Variants in ATP9B observed in about 807,000 individuals in gnomAD.
ATP9B encodes the protein ATPase phospholipid transporting 9B.
In ATP9B, 110 loss-of-function variants were observed where a neutral mutation model predicts 146.1. That is an observed-to-expected ratio of 0.75 (90% CI 0.65 to 0.88). The LOEUF (loss-of-function observed/expected upper bound fraction) is 0.88. Among genes scored for constraint, ATP9B ranks in the 40% least tolerant of loss-of-function variants. ATP9B has a pLI of 0.00. For synonymous variants in ATP9B, 604 were observed against 569.7 expected, an observed-to-expected ratio of 1.06 and a Z score of -0.86; for missense variants, 1,499 against 1,496.4, an observed-to-expected ratio of 1.00 and a Z score of -0.03.
intron 20 of ATP9B, chr18:79,343,718 C>T (rs1336574805): frequency 6.4e-6 from 1 of 156,250 alleles, no homozygotes; most frequent in Non-Finnish European, 1.4e-5. Context: ...GCTCGGCCTC[C>T]CTGGGCTCTG....
chr18:79,376,787 C>T (rs925035738), intron 29 of ATP9B, among the ~76,000 whole-genome samples: 5 of 151,474 alleles, frequency 3.3e-5, no homozygotes, highest in African/African-American at 1.2e-4. Flanking sequence ...CTCCACCTCC[C>T]GGGTTCAAGC....
intron 10 of ATP9B, among the ~76,000 whole-genome samples, chr18:79,210,471 G>A (rs567327479): frequency 3.5e-4 from 53 of 152,324 alleles, no homozygotes; most frequent in Admixed American, 1.3e-3. Context: ...CTAGACCTGG[G>A]TGTGGGTCAC....
At chr18:79,256,282 T>TACAC (rs1315400505) in intron 12 of ATP9B, among the ~76,000 whole-genome samples, 1 of 129,276 alleles carries the variant, frequency 7.7e-6, no homozygotes, top group African/African-American at 2.8e-5. Flanking sequence ...TATATATATA[T>TACAC]ATATACATAC....
rs183765618 is a variant in ATP9B, at chr18:79,133,981, G to A, written c.667+7606G>A. ...TGATACTGCTCCATCTTTCCTTTGC[G>A]GTAGCACTCTCCTTTCAAAGTAAAA... is the stretch of plus-strand genomic sequence containing the variant. On this transcript the variant is annotated intron_variant, in intron 5 of 29. Coordinates refer to ENST00000426216, the MANE Select transcript of ATP9B (RefSeq NM_198531.5). 8.9e-4 allele frequency among the ~76,000 whole-genome samples: 135 copies of A among 152,266 alleles called. 1 individual carries two copies. In the South Asian group the frequency reaches 0.011, roughly 12 times the overall value.
intron 5 of ATP9B, among the ~76,000 whole-genome samples, chr18:79,139,437 C>T (rs2094487658): frequency 6.6e-6 from 1 of 152,222 alleles, no homozygotes; most frequent in African/African-American, 2.4e-5. Context: ...TGCGGTGGCA[C>T]GTCAGCTACT....
chr18:79,295,068 G>A (rs1599714762), intron 13 of ATP9B, among the ~76,000 whole-genome samples: 1 of 150,876 alleles, frequency 6.6e-6, no homozygotes, highest in Non-Finnish European at 1.5e-5. Context: ...ATAGGTACGT[G>A]TGCGTGCATC....
At chr18:79,174,741 G>A (rs1200519623) in intron 7 of ATP9B, among the ~76,000 whole-genome samples, 1 of 152,118 alleles carries the variant, frequency 6.6e-6, no homozygotes, top group African/African-American at 2.4e-5. Flanking sequence ...CTAAAGGGTT[G>A]ATCATACTCA....
chr18:79,177,044 G>T (rs369766287), intron 8 of ATP9B, 137 bp downstream of exon 8: 4 of 695,852 alleles, frequency 5.7e-6, no homozygotes, highest in African/African-American at 1.8e-5. Flanking sequence ...CCTCATGAAG[G>T]TTCATTGAAG....
intron 1 of ATP9B, among the ~76,000 whole-genome samples, chr18:79,072,785 C>T (rs1371125114): frequency 6.6e-6 from 1 of 152,100 alleles, no homozygotes; most frequent in Non-Finnish European, 1.5e-5. Context: ...AGATGCTTCT[C>T]ACCTCCCAGA....
rs148687068 is a variant in ATP9B, at chr18:79,251,584, C to T, written c.1108-1797C>T. On this transcript the variant is annotated intron_variant, in intron 11 of 29. Coordinates refer to ENST00000426216, the MANE Select transcript of ATP9B (RefSeq NM_198531.5). ...TTTGTTTAATTAGTTGACTTTTCTTCGCAGCTGCACTTAATGGACTTTCTG... is the reference window on the plus strand; with the variant it reads ...TTTGTTTAATTAGTTGACTTTTCTTTGCAGCTGCACTTAATGGACTTTCTG... 3.4e-3 allele frequency among the ~76,000 whole-genome samples: 511 copies of T among 152,256 alleles called. 2 individuals carry two copies. The highest frequency in any genetic ancestry group is 0.014 in the Middle Eastern group (4 of 294).
At position 79,133,675 on chromosome 18, in the gene ATP9B, T is replaced by C. The variant is rs78012774; in HGVS notation, c.667+7300T>C. ...TCTCAGGTCACCCTTAGAGGATCTG[T>C]GTGAATTCATTTCTTCATGATATAT... On this transcript the variant is annotated intron_variant, in intron 5 of 29. Transcript: ENST00000426216. Among the ~76,000 whole-genome samples, 1,137 of 152,358 alleles carry C rather than the reference T, an allele frequency of 7.5e-3. 28 individuals carry two copies. The highest frequency in any genetic ancestry group is 0.063 in the East Asian group (327 of 5,180).
chr18:79,376,695 C>G (rs1380070107), intron 29 of ATP9B, among the ~76,000 whole-genome samples: 2 of 142,542 alleles, frequency 1.4e-5, no homozygotes, highest in African/African-American at 5.0e-5. Context: ...CGGCCTACAA[C>G]CTTTTTTTTT....
intron 11 of ATP9B, among the ~76,000 whole-genome samples, chr18:79,215,245 C>T (rs2095616866): frequency 6.6e-6 from 1 of 150,770 alleles, no homozygotes; most frequent in Non-Finnish European, 1.5e-5. Flanking sequence ...AAATTAGTAA[C>T]ATATCACCAA....
chr18:79,175,214 G>GA (rs1199426278), intron 7 of ATP9B, among the ~76,000 whole-genome samples: 66 of 132,226 alleles, frequency 5.0e-4, no homozygotes, highest in East Asian at 1.5e-3. Flanking sequence ...AAAAAAAAAA[G>GA]AAAAAAAAAA....
chr18:79,323,956 A>G (rs896186245), intron 15 of ATP9B, among the ~76,000 whole-genome samples: 1 of 152,172 alleles, frequency 6.6e-6, no homozygotes, highest in African/African-American at 2.4e-5. Flanking sequence ...CCTCGCCAGC[A>G]TTTGAATTGC....
chr18:79,290,812 C>T lies in ATP9B; in HGVS notation c.1412-12792C>T, dbSNP rs114906042. On this transcript the variant is annotated intron_variant, in intron 13 of 29. Transcript: ENST00000426216. ...AAGTAAGTTTGTGTTTTGATACATCCGCTGATTATGTATGTGTCTTACTTT... is the reference window on the plus strand; with the variant it reads ...AAGTAAGTTTGTGTTTTGATACATCTGCTGATTATGTATGTGTCTTACTTT... Among the ~76,000 whole-genome samples the T allele has an allele frequency of 6.6e-3, 1,012 of 152,292 alleles. 5 individuals carry two copies. Among genetic ancestry groups the T allele is most frequent in the African/African-American group, 0.023 (936 of 41,552 alleles).
At chr18:79,338,984 G>A (rs539257745) in intron 19 of ATP9B, among the ~76,000 whole-genome samples, 4 of 152,330 alleles carry the variant, frequency 2.6e-5, no homozygotes, top group South Asian at 4.1e-4. Flanking sequence ...ACAGAAAATA[G>A]GCATCTGTTT....
At chr18:79,310,089 T>C (rs370918132) in intron 15 of ATP9B, among the ~76,000 whole-genome samples, 1 of 152,028 alleles carries the variant, frequency 6.6e-6, no homozygotes, top group South Asian at 2.1e-4. Context: ...CAGGGAGGCA[T>C]GTGGAGAAGA....
At chr18:79,285,040 T>C (rs1470724431) in intron 13 of ATP9B, among the ~76,000 whole-genome samples, 14 of 151,890 alleles carry the variant, frequency 9.2e-5, no homozygotes, top group African/African-American at 3.4e-4. Context: ...TTTGGGTTGG[T>C]TCCAAGTCTT....
Sources: gnomAD v4.1 joint callset for allele counts (sites outside exome capture counted in the v4.1 genomes callset) on GRCh38, gnomAD v4.1.1 for gene constraint, MANE v1.5 for transcripts, NCBI Gene and HGNC (gene_info 2026-07-23, HGNC 2026-07-21) for gene names.